The following VPS13B variants were observed in gnomAD, a reference collection of about 807,000 sequenced individuals.
VPS13B encodes the protein vacuolar protein sorting 13 homolog B, also known as intermembrane lipid transfer protein VPS13B.
Under a neutral mutation model 426.4 loss-of-function variants are expected in VPS13B, and 285 were observed. The observed-to-expected ratio is 0.67, with a 90% CI of 0.61 to 0.74. VPS13B has a LOEUF of 0.74. Ranked by LOEUF, VPS13B falls within the 30% of genes least tolerant of loss-of-function variation. VPS13B has a pLI of 0.00. For missense variants in VPS13B, 4,537 were observed against 4,782.6 expected (o/e 0.95, Z 1.51); for synonymous variants, 1,676 against 1,676.4 (o/e 1.00, Z 0.01).
intron 15 of VPS13B, among the ~76,000 whole-genome samples, chr8:99,164,744 C>T (rs35516293): frequency 2.0e-5 from 3 of 152,110 alleles, no homozygotes; most frequent in African/African-American, 7.2e-5. Context: ...TTAACTCTCT[C>T]TTTAACTTTC....
At chr8:99,238,035 G>A (rs925753054) in intron 17 of VPS13B, among the ~76,000 whole-genome samples, 23 of 151,810 alleles carry the variant, frequency 1.5e-4, no homozygotes, top group African/African-American at 5.6e-4. Flanking sequence ...TCCTTCCTTA[G>A]GTTTGTGGGT....
chr8:99,414,110 T>C (rs1409309747), intron 21 of VPS13B, among the ~76,000 whole-genome samples: 1 of 152,230 alleles, frequency 6.6e-6, no homozygotes, highest in African/African-American at 2.4e-5. Flanking sequence ...TGGGTGCTCC[T>C]GTATTGGGTG....
Position 99,554,579 on chromosome 8 carries a change from TG to T in VPS13B, c.4746-1869del, listed in dbSNP as rs560165055. Among the ~76,000 whole-genome samples, 277 of 152,034 alleles carry T rather than the reference TG, an allele frequency of 1.8e-3. 2 individuals are homozygous for T. Among genetic ancestry groups the T allele is most frequent in the African/African-American group, 6.3e-3 (261 of 41,462 alleles). ...GATAGTTCCTGACCTCAAGAATGTGTGGTATATTTGGGAAGACTGATAAGTC... is the reference window on the plus strand; with the variant it reads ...GATAGTTCCTGACCTCAAGAATGTGTGTATATTTGGGAAGACTGATAAGTC... On this transcript the variant is annotated intron_variant, in intron 30 of 61. Coordinates refer to ENST00000357162, the MANE Select transcript of VPS13B (RefSeq NM_152564.5).
intron 7 of VPS13B, among the ~76,000 whole-genome samples, chr8:99,118,326 A>G (rs1408443155): frequency 2.0e-5 from 3 of 152,120 alleles, no homozygotes; most frequent in Non-Finnish European, 4.4e-5. Context: ...TAAGTTACAT[A>G]CATTGCTACA....
intron 21 of VPS13B, among the ~76,000 whole-genome samples, chr8:99,412,279 C>T (rs2133360891): frequency 6.6e-6 from 1 of 152,254 alleles, no homozygotes; most frequent in Admixed American, 6.5e-5. Flanking sequence ...TTGAAGAGGT[C>T]CTTCACATCC....
At chr8:99,864,058 G>A (rs541342795) in intron 58 of VPS13B, among the ~76,000 whole-genome samples, 30 of 152,076 alleles carry the variant, frequency 2.0e-4, no homozygotes, top group Admixed American at 1.5e-3. Context: ...GTACTCTTTG[G>A]GTTATCTCAA....
At chr8:99,825,395 T>C (rs1349160074) in intron 51 of VPS13B, among the ~76,000 whole-genome samples, 1 of 152,194 alleles carries the variant, frequency 6.6e-6, no homozygotes, top group African/African-American at 2.4e-5. Flanking sequence ...TCTGTGTATA[T>C]CCTTTGCCCA....
chr8:99,686,565 C>T (rs1221663073), intron 35 of VPS13B, among the ~76,000 whole-genome samples: 2 of 151,966 alleles, frequency 1.3e-5, no homozygotes, highest in African/African-American at 4.8e-5. Context: ...CCAAGCCACA[C>T]ACAAGAAAAA....
At chr8:99,421,375 A>C (rs1203593597) in intron 21 of VPS13B, among the ~76,000 whole-genome samples, 3 of 152,216 alleles carry the variant, frequency 2.0e-5, no homozygotes, top group Non-Finnish European at 4.4e-5. Context: ...AGTAAATCTG[A>C]TGTTTTCTGA....
At chr8:99,053,513 A>G (rs1843674055) in intron 3 of VPS13B, among the ~76,000 whole-genome samples, 1 of 151,994 alleles carries the variant, frequency 6.6e-6, no homozygotes, top group Non-Finnish European at 1.5e-5. Context: ...TGCAGCCATC[A>G]TTCTATTATA....
rs549892993 is a variant in VPS13B at position 99,085,611 on chromosome 8, G to T, written c.292-10701G>T. On this transcript the variant is annotated intron_variant, in intron 3 of 61. Coordinates refer to ENST00000357162, the MANE Select transcript of VPS13B (RefSeq NM_152564.5). ...TACTGGTTTTTCCTTTCCATGTTTAGTGCTTCCTTCAGGAGCTCTTTTAGG... is the reference window on the plus strand; with the variant it reads ...TACTGGTTTTTCCTTTCCATGTTTATTGCTTCCTTCAGGAGCTCTTTTAGG... Among the ~76,000 whole-genome samples the T allele has an allele frequency of 3.2e-4, 49 of 152,228 alleles. No individual in the cohort carries two copies. The East Asian group carries it at 8.9e-3, about 28-fold the overall frequency.
At chr8:99,123,609 A>AG (rs1179320019) in intron 8 of VPS13B, among the ~76,000 whole-genome samples, 1 of 152,186 alleles carries the variant, frequency 6.6e-6, no homozygotes, top group Non-Finnish European at 1.5e-5. Flanking sequence ...AGAAATAGAT[A>AG]GGAATGCAAT....
intron 4 of VPS13B, among the ~76,000 whole-genome samples, chr8:99,097,640 A>G (rs1319263408): frequency 6.6e-6 from 1 of 152,204 alleles, no homozygotes; most frequent in Non-Finnish European, 1.5e-5. Context: ...AAATGAAAGT[A>G]TGGGAGATAA....
chr8:99,463,985 G>A (rs984154192), intron 23 of VPS13B, among the ~76,000 whole-genome samples: 3 of 152,080 alleles, frequency 2.0e-5, no homozygotes, highest in Non-Finnish European at 4.4e-5. Context: ...ATGAGCCACC[G>A]CTCCAGGCCT....
intron 40 of VPS13B, among the ~76,000 whole-genome samples, chr8:99,768,098 TAAAC>T (rs1445100757): frequency 6.6e-6 from 1 of 152,210 alleles, no homozygotes; most frequent in Non-Finnish European, 1.5e-5. Flanking sequence ...TAAAAGACGA[TAAAC>T]AAAGTAAACC....
intron 17 of VPS13B, among the ~76,000 whole-genome samples, chr8:99,199,097 A>T (rs1486148727): frequency 1.3e-5 from 2 of 152,200 alleles, no homozygotes; most frequent in Non-Finnish European, 1.5e-5. Context: ...CCACATTAAT[A>T]AAGAGATTAT....
chr8:99,039,703 G>T (rs1842892519), intron 3 of VPS13B, among the ~76,000 whole-genome samples: 2 of 152,134 alleles, frequency 1.3e-5, no homozygotes, highest in South Asian at 4.1e-4. Context: ...TGAAGTTAGG[G>T]TTATGTATGA....
intron 4 of VPS13B, among the ~76,000 whole-genome samples, chr8:99,102,305 T>C (rs962255794): frequency 1.3e-5 from 2 of 152,178 alleles, no homozygotes; most frequent in Non-Finnish European, 2.9e-5. Flanking sequence ...TTTTCTGTCT[T>C]CTTCATGGTA....
intron 21 of VPS13B, among the ~76,000 whole-genome samples, chr8:99,425,109 G>A (rs1217079733): frequency 1.3e-5 from 2 of 152,130 alleles, no homozygotes; most frequent in African/African-American, 4.8e-5. Context: ...GGACCAGGTG[G>A]ATTCACAGCC....
Sources: allele counts gnomAD v4.1 joint callset (sites outside exome capture counted in the v4.1 genomes callset), GRCh38; gene constraint gnomAD v4.1.1; transcripts MANE v1.5; gene names NCBI Gene and HGNC (gene_info 2026-07-23, HGNC 2026-07-21).